FRMPD4: variants seen among roughly 807,000 people sequenced by gnomAD.
The protein encoded by FRMPD4 is FERM and PDZ domain-containing protein 4.
A neutral mutation model predicts 94.1 loss-of-function variants in FRMPD4; 22 were observed. The ratio of observed to expected loss-of-function variants is 0.23; its 90% CI spans 0.17 to 0.33. The LOEUF (loss-of-function observed/expected upper bound fraction) is 0.33. Among genes scored for constraint, FRMPD4 ranks in the 10% least tolerant of loss-of-function variants. The pLI, the probability that FRMPD4 is intolerant of heterozygous loss-of-function variation, is 1.00. For missense variants in FRMPD4, 1,111 were observed against 1,339.9 expected, an observed-to-expected ratio of 0.83 and a Z score of 2.67; for synonymous variants, 631 against 548.6, an observed-to-expected ratio of 1.15 and a Z score of -2.10.
At chrX:12,146,475 T>TACAGAGACACACACACACAC (rs2055771248) in intron 1 of FRMPD4, among the ~76,000 whole-genome samples, 1 of 103,386 alleles carries the variant, frequency 9.7e-6, no homozygotes, top group Non-Finnish European at 2.0e-5. Flanking sequence ...TACACACACA[T>TACAGAGACACACACACACAC]ACAGAGACAC....
chrX:12,372,853 G>A (rs774123604), intron 1 of FRMPD4, among the ~76,000 whole-genome samples: 4 of 112,186 alleles, frequency 3.6e-5, no homozygotes, highest in East Asian at 2.8e-4. Flanking sequence ...TTGTAGAAGT[G>A]TCTGGGTGTG....
chrX:12,292,516 A>G (rs192926922), intron 1 of FRMPD4, among the ~76,000 whole-genome samples: 4 of 110,824 alleles, frequency 3.6e-5, no homozygotes, highest in Admixed American at 2.9e-4. Flanking sequence ...TTCCATGTCA[A>G]TCGAGATGTA....
At chrX:12,017,755 T>C (rs1397102932) in intron 3 of FRMPD4, among the ~76,000 whole-genome samples, 1 of 112,177 alleles carries the variant, frequency 8.9e-6, no homozygotes, top group Non-Finnish European at 1.9e-5. Flanking sequence ...AAAGATGGAC[T>C]ATATGAGGCT....
chrX:12,554,284 T>A (rs1382844403), intron 2 of FRMPD4, among the ~76,000 whole-genome samples: 1 of 111,800 alleles, frequency 8.9e-6, no homozygotes, highest in African/African-American at 3.3e-5. Context: ...GAAGGGAGTT[T>A]TTCTGGGTAC....
chrX:11,933,772 A>G lies in FRMPD4; in HGVS notation c.95+55754A>G, dbSNP rs1001877765. ...GTGGGGTTTTTTTTAGGGACAATCAATATCTCACTAGAGTAAATGTAGCAT... is the reference window on the plus strand; with the variant it reads ...GTGGGGTTTTTTTTAGGGACAATCAGTATCTCACTAGAGTAAATGTAGCAT... On this transcript the variant is annotated intron_variant, in intron 3 of 18. Coordinates refer to the FRMPD4 transcript ENST00000640291. 1.7e-4 allele frequency among the ~76,000 whole-genome samples: 19 copies of G among 111,925 alleles called. 1 individual carries two copies. The highest frequency in any genetic ancestry group is 3.7e-4 in the South Asian group (1 of 2,667).
chrX:12,192,904 G>C (rs1019631690), intron 1 of FRMPD4, among the ~76,000 whole-genome samples: 1 of 111,898 alleles, frequency 8.9e-6, no homozygotes, highest in Non-Finnish European at 1.9e-5. Flanking sequence ...GGAAGAATTA[G>C]TGGAAGGTGT....
chrX:11,978,321 C>CAA (rs1172824155), intron 3 of FRMPD4, among the ~76,000 whole-genome samples: 791 of 16,316 alleles, frequency 0.048, 150 homozygotes, highest in East Asian at 0.071. Context: ...AACTCCATCT[C>CAA]AAAAAAAAAA....
At chrX:12,253,345 C>G (rs2054069442) in intron 1 of FRMPD4, among the ~76,000 whole-genome samples, 1 of 112,049 alleles carries the variant, frequency 8.9e-6, no homozygotes, top group Admixed American at 9.5e-5. Flanking sequence ...CTTACTCTCC[C>G]CCAGCATTAT....
chrX:12,222,008 A>T (rs2056874059), intron 1 of FRMPD4, among the ~76,000 whole-genome samples: 1 of 111,838 alleles, frequency 8.9e-6, no homozygotes, highest in African/African-American at 3.3e-5. Context: ...AGTATGAAAA[A>T]ATATGCTATG....
intron 3 of FRMPD4, among the ~76,000 whole-genome samples, chrX:12,036,417 ATAT>A (rs1472074923): frequency 8.9e-6 from 1 of 112,176 alleles, no homozygotes; most frequent in African/African-American, 3.2e-5. Flanking sequence ...GTTATAAAAA[ATAT>A]TATTAGGAAA....
At chrX:12,112,531 C>T (rs1050967603) in intron 3 of FRMPD4, among the ~76,000 whole-genome samples, 2 of 110,573 alleles carry the variant, frequency 1.8e-5, no homozygotes, top group Admixed American at 9.6e-5. Flanking sequence ...CAAACCTGCA[C>T]GTTGTACACA....
chrX:12,329,857 C>CAAAAAA (rs750627076), intron 1 of FRMPD4, among the ~76,000 whole-genome samples: 1 of 55,466 alleles, frequency 1.8e-5, no homozygotes. Context: ...AGTTTCTAAC[C>CAAAAAA]AAAAAAAAAA....
intron 1 of FRMPD4, among the ~76,000 whole-genome samples, chrX:11,838,387 G>T (rs1209646485): frequency 9.0e-6 from 1 of 111,551 alleles, no homozygotes; most frequent in Non-Finnish European, 1.9e-5. Context: ...CTTCAGGATT[G>T]GTGTATTGTG....
At chrX:12,127,673 C>A (rs1200302525) in intron 3 of FRMPD4, among the ~76,000 whole-genome samples, 1 of 112,076 alleles carries the variant, frequency 8.9e-6, no homozygotes. Context: ...AATGTCTTAG[C>A]CCATTCCAGC....
At chrX:12,552,051 G>A (rs1244754816) in intron 2 of FRMPD4, among the ~76,000 whole-genome samples, 1 of 111,462 alleles carries the variant, frequency 9.0e-6, no homozygotes, top group Non-Finnish European at 1.9e-5. Flanking sequence ...CCCAAAGGTG[G>A]CCAATGATGT....
intron 2 of FRMPD4, among the ~76,000 whole-genome samples, chrX:11,870,695 G>T (rs759838146): frequency 9.0e-6 from 1 of 111,475 alleles, no homozygotes; most frequent in African/African-American, 3.3e-5. Context: ...TCTATGAAAC[G>T]TGAAAATTCT....
intron 1 of FRMPD4, among the ~76,000 whole-genome samples, chrX:12,198,990 G>C (rs918504138): frequency 9.0e-6 from 1 of 111,440 alleles, no homozygotes; most frequent in Non-Finnish European, 1.9e-5. Flanking sequence ...TAGATACTTT[G>C]TATTGATCAA....
chrX:11,997,461 T>G (rs2054502526), intron 3 of FRMPD4, among the ~76,000 whole-genome samples: 1 of 111,780 alleles, frequency 8.9e-6, no homozygotes, highest in South Asian at 3.7e-4. Context: ...CCTCCCAAAT[T>G]TAGTGGCTTA....
chrX:12,071,592 T>C (rs2054968673), intron 3 of FRMPD4, among the ~76,000 whole-genome samples: 1 of 111,721 alleles, frequency 9.0e-6, no homozygotes, highest in African/African-American at 3.3e-5. Context: ...AAGCAAGTTG[T>C]AATGCTGATA....
Sources: gnomAD v4.1 joint callset for allele counts (sites outside exome capture counted in the v4.1 genomes callset) on GRCh38, gnomAD v4.1.1 for gene constraint, MANE v1.5 for transcripts, NCBI Gene and HGNC (gene_info 2026-07-23, HGNC 2026-07-21) for gene names.